CXCR2: variants seen among roughly 807,000 people sequenced by gnomAD.
The protein encoded by CXCR2 is C-X-C chemokine receptor type 2.
Under a neutral mutation model 3.7 loss-of-function variants are expected in CXCR2, and 2 were observed. That is an observed-to-expected ratio of 0.55 (90% CI 0.22 to 1.72). The LOEUF (loss-of-function observed/expected upper bound fraction) is 1.72, where lower values mean the gene tolerates loss of function less well. CXCR2 is among the 40% of genes most tolerant of loss of function. CXCR2 has a pLI of 0.19. For synonymous variants in CXCR2, 203 were observed against 193.3 expected (o/e 1.05, Z -0.41); for missense variants, 351 against 450.1 (o/e 0.78, Z 1.99).
Position 218,134,957 on chromosome 2 carries a change from C to T in CXCR2, c.156C>T (p.Val52=). Residue 52 remains valine (V), a synonymous_variant, in exon 3 of 3, where the codon GTC becomes GTT. Transcript: ENST00000318507. The stretch of plus-strand genomic sequence containing the variant: ...TGGAAATCAACAAGTATTTTGTGGT[C>T]ATTATCTATGCCCTGGTATTCCTGC... The part of the protein sequence containing the change: ...ESLEINKYFV[V]IIYALVFLLS... 2 of 1,614,154 alleles carry T rather than the reference C, an allele frequency of 1.2e-6. No homozygotes were observed. Among genetic ancestry groups the T allele is most frequent in the Non-Finnish European group, 1.7e-6 (2 of 1,180,038 alleles).
Position 218,134,954 on chromosome 2 carries a change from G to A in CXCR2, c.153G>A (p.Val51=). 3 of 1,614,092 alleles carry A rather than the reference G, an allele frequency of 1.9e-6. No individual in the cohort carries two copies. Among genetic ancestry groups the A allele is most frequent in the East Asian group, 2.2e-5 (1 of 44,880 alleles). Residue 51 remains valine, a synonymous_variant, in exon 3 of 3, where the codon GTG becomes GTA. Transcript: ENST00000318507. ...CCCTGGAAATCAACAAGTATTTTGTGGTCATTATCTATGCCCTGGTATTCC... is the reference window on the plus strand; with the variant it reads ...CCCTGGAAATCAACAAGTATTTTGTAGTCATTATCTATGCCCTGGTATTCC... ...PESLEINKYF[V]VIIYALVFLL...
rs13306441 is a variant in CXCR2, at chr2:218,136,222, A to G, written c.*338A>G. On this transcript the variant is annotated 3_prime_UTR_variant, in exon 3 of 3. Transcript: ENST00000318507. Reference sequence around the variant, plus strand: ...TAGGATGGCTAGTATCAAAAGAAAGAAAATCAGGCTGGCCAACGGGGTGAA... The same window carrying G: ...TAGGATGGCTAGTATCAAAAGAAAGGAAATCAGGCTGGCCAACGGGGTGAA... The G allele has an allele frequency of 0.025, 5,661 of 225,106 alleles. 97 individuals carry two copies. The highest frequency in any genetic ancestry group is 0.047 in the South Asian group (308 of 6,522). The allele number at this position is 225,106 out of a possible 1,614,324, so 13.9% of individuals were successfully genotyped here. A position where few individuals can be genotyped will look rare whatever the true frequency, so the allele number is the denominator to read the frequency against.
chr2:218,131,295 C>T (rs553477780), intron 2 of CXCR2, among the ~76,000 whole-genome samples: 1 of 152,308 alleles, frequency 6.6e-6, no homozygotes, highest in East Asian at 1.9e-4. Context: ...AGCAAACTTG[C>T]TCTCAACCAT....
chr2:218,126,921 C>G (rs949134710), intron 1 of CXCR2, among the ~76,000 whole-genome samples: 36 of 152,292 alleles, frequency 2.4e-4, no homozygotes, highest in African/African-American at 7.5e-4. Flanking sequence ...AGCGATCCGC[C>G]CACCTCGGCC....
chr2:218,125,865 C>G (rs963411937), upstream of CXCR2: 1 of 152,594 alleles, frequency 6.6e-6, no homozygotes, highest in Admixed American at 6.5e-5. Context: ...GTGGGTCCCA[C>G]AGTCAGGTGC....
In CXCR2 at chr2:218,135,050, T is replaced by A; in HGVS notation, c.249T>A (p.Thr83=). ...ILYSRVGRSV[T]DVYLLNLALA... is the part of the protein sequence containing the mutation. Reference sequence around the variant, plus strand: ...ACAGCAGGGTCGGCCGCTCCGTCACTGATGTCTACCTGCTGAACCTAGCCT... The same window carrying A: ...ACAGCAGGGTCGGCCGCTCCGTCACAGATGTCTACCTGCTGAACCTAGCCT... Residue 83 remains threonine (T), a synonymous_variant, in exon 3 of 3, where the codon ACT becomes ACA. Coordinates refer to ENST00000318507, the MANE Select transcript of CXCR2 (RefSeq NM_001557.4). This position sits in a 1 kb window ranked among gnomAD's most constrained non-coding sequence, Gnocchi z 4.0. 1 of 1,614,252 alleles carries A rather than the reference T, an allele frequency of 6.2e-7. No individual in the cohort carries two copies. Among genetic ancestry groups the A allele is most frequent in the Non-Finnish European group, 8.5e-7 (1 of 1,180,034 alleles).
At position 218,135,504 on chromosome 2, in the gene CXCR2, C is replaced by G. The variant is rs1574543158; in HGVS notation, c.703C>G (p.Leu235Val). 1 of 1,614,192 alleles carries G rather than the reference C, an allele frequency of 6.2e-7. No homozygotes were observed. Among genetic ancestry groups the G allele is most frequent in the East Asian group, 2.2e-5 (1 of 44,882 alleles). The part of the protein sequence containing the change: ...LIMLFCYGFT[L>V]RTLFKAHMGQ... ...CATGCTGTTCTGCTACGGATTCACC[C>G]TGCGTACGCTGTTTAAGGCCCACAT... Residue 235 changes from leucine to valine, a missense_variant, in exon 3 of 3, where the codon CTG becomes GTG. Leu to Val is a conservative substitution (Grantham distance 32). Coordinates refer to ENST00000318507, the MANE Select transcript of CXCR2 (RefSeq NM_001557.4). The surrounding 1 kb of genome is among the most constrained non-coding windows in gnomAD (Gnocchi z 4.0).
At chr2:218,125,771 T>C (rs1690493444), upstream of CXCR2, 1 of 152,266 alleles carries the variant, frequency 6.6e-6, no homozygotes, top group South Asian at 2.1e-4. Flanking sequence ...GGGAGCATGA[T>C]AAAGCCATAA....
chr2:218,128,216 T>A (rs1574536727), intron 1 of CXCR2, among the ~76,000 whole-genome samples: 1 of 152,210 alleles, frequency 6.6e-6, no homozygotes, highest in South Asian at 2.1e-4. Flanking sequence ...TCTCCATATG[T>A]AATAAGCCTC....
At position 218,136,149 on chromosome 2, in the gene CXCR2, C is replaced by T; in HGVS notation, c.*265C>T. 1.6e-4 allele frequency: 67 copies of T among 424,742 alleles called. No homozygotes were observed. The highest frequency in any genetic ancestry group is 9.0e-4 in the South Asian group (17 of 18,912). 26.3% of individuals were successfully genotyped at this position (424,742 alleles called of 1,614,324 possible). ...CCCTGAGCCCATGGCACTCTATGTT[C>T]TAAGAAGTGAAAATCTACACTCCAG... is the stretch of plus-strand genomic sequence containing the variant. On this transcript the variant is annotated 3_prime_UTR_variant, in exon 3 of 3. Transcript: ENST00000318507.
rs776173448 is a variant in CXCR2, at chr2:218,134,828, C to T, written c.27C>T (p.Asp9=). 8.7e-6 allele frequency: 14 copies of T among 1,613,420 alleles called. No individual in the cohort carries two copies. In the East Asian group the frequency reaches 1.8e-4, roughly 21 times the overall value. MEDFNMES[D]SFEDFWKGED... ...TGGAAGATTTTAACATGGAGAGTGACAGCTTTGAAGATTTCTGGAAAGGTG... is the reference window on the plus strand; with the variant it reads ...TGGAAGATTTTAACATGGAGAGTGATAGCTTTGAAGATTTCTGGAAAGGTG... Residue 9 remains aspartate, a synonymous_variant, in exon 3 of 3, where the codon GAC becomes GAT. Coordinates refer to ENST00000318507, the MANE Select transcript of CXCR2 (RefSeq NM_001557.4).
Position 218,135,215 on chromosome 2 carries a change from C to T in CXCR2, c.414C>T (p.Ala138=). The T allele has an allele frequency of 6.2e-7, 1 of 1,614,250 alleles. No homozygotes were observed. The highest frequency in any genetic ancestry group is 1.3e-5 in the African/African-American group (1 of 75,070). ...VNFYSGILLL[A]CISVDRYLAI... ...TCTATAGTGGCATCCTGCTACTGGC[C>T]TGCATCAGTGTGGACCGTTACCTGG... The change falls in exon 3 of 3, where the codon GCC becomes GCT. Residue 138 remains alanine, a synonymous_variant. Coordinates refer to ENST00000318507, the MANE Select transcript of CXCR2 (RefSeq NM_001557.4). The surrounding 1 kb of genome is among the most constrained non-coding windows in gnomAD (Gnocchi z 4.0).
At position 218,128,747 on chromosome 2, in the gene CXCR2, G is replaced by A. The variant is rs374024284; in HGVS notation, c.-77-567G>A. Among the ~76,000 whole-genome samples the A allele has an allele frequency of 1.8e-3, 281 of 152,268 alleles. 8 individuals carry two copies. In the South Asian group the frequency reaches 0.056, roughly 30 times the overall value. ...AGAAAGAATATCAATACCCAGAGAT[G>A]GACTTGTGGTCAGAGCAGATGGTTG... On this transcript the variant is annotated intron_variant, in intron 1 of 2. Transcript: ENST00000318507.
At chr2:218,130,232 C>T (rs969942129) in intron 2 of CXCR2, among the ~76,000 whole-genome samples, 35 of 152,136 alleles carry the variant, frequency 2.3e-4, no homozygotes, top group African/African-American at 7.7e-4. Context: ...ACCAGCCCGA[C>T]CAACATAGTG....
At chr2:218,131,967 C>T (rs577768050) in intron 2 of CXCR2, among the ~76,000 whole-genome samples, 1 of 152,120 alleles carries the variant, frequency 6.6e-6, no homozygotes, top group East Asian at 1.9e-4. Context: ...GCTTAATCTT[C>T]TTCAGCTTTC....
intron 2 of CXCR2, among the ~76,000 whole-genome samples, chr2:218,133,987 CA>C (rs1200349742): frequency 6.6e-6 from 1 of 152,234 alleles, no homozygotes; most frequent in Admixed American, 6.5e-5. Context: ...CCAAACTACA[CA>C]GACATTCCCA....
chr2:218,134,922 C>T lies in CXCR2; in HGVS notation c.121C>T (p.Pro41Ser). The change falls in exon 3 of 3, where the codon CCA becomes TCA. Residue 41 changes from proline (P) to serine (S), a missense_variant. Transcript: ENST00000318507. The part of the protein sequence containing the change: ...PFLLDAAPCE[P>S]ESLEINKYFV... ...TCTACTAGATGCCGCCCCATGTGAA[C>T]CAGAATCCCTGGAAATCAACAAGTA... The T allele has an allele frequency of 3.1e-6, 5 of 1,614,162 alleles. No individual in the cohort carries two copies. The South Asian group carries it at 4.4e-5, about 14-fold the overall frequency.
rs55799208 is a variant in CXCR2, at chr2:218,135,259, G to A, written c.458G>A (p.Arg153His). The A allele has an allele frequency of 2.2e-3, 3,551 of 1,614,128 alleles. 6 individuals are homozygous for A. The highest frequency in any genetic ancestry group is 2.8e-3 in the Non-Finnish European group (3,307 of 1,180,024). Residue 153 changes from arginine (R) to histidine (H), a missense_variant, in exon 3 of 3, where the codon CGC becomes CAC. By Grantham distance (29) the Arg-to-His change is conservative. Transcript: ENST00000318507. The surrounding 1 kb of genome is among the most constrained non-coding windows in gnomAD (Gnocchi z 4.0). Reference protein sequence around the residue: ...DRYLAIVHATRTLTQKRYLVK... With the variant: ...DRYLAIVHATHTLTQKRYLVK... ...TACCTGGCCATTGTCCATGCCACAC[G>A]CACACTGACCCAGAAGCGCTACTTG...
chr2:218,133,563 T>A (rs1690703387), intron 2 of CXCR2, among the ~76,000 whole-genome samples: 1 of 152,092 alleles, frequency 6.6e-6, no homozygotes, highest in African/African-American at 2.4e-5. Context: ...CCTCCCAAAG[T>A]GCTGGGATTA....
Sources: allele counts gnomAD v4.1 joint callset (sites outside exome capture counted in the v4.1 genomes callset), GRCh38; gene constraint gnomAD v4.1.1; non-coding constraint Gnocchi (gnomAD v3.1); transcripts MANE v1.5; gene names NCBI Gene and HGNC (gene_info 2026-07-23, HGNC 2026-07-21).